CPED1: variants seen among roughly 807,000 people sequenced by gnomAD.
CPED1 encodes the protein cadherin like and PC-esterase domain containing 1.
A neutral mutation model predicts 128.2 loss-of-function variants in CPED1; 114 were observed. That is an observed-to-expected ratio of 0.89 (90% CI 0.76 to 1.04). CPED1 has a LOEUF of 1.04. Ranked by LOEUF, CPED1 falls within the 50% of genes least tolerant of loss-of-function variation. The pLI, the probability that CPED1 is intolerant of heterozygous loss-of-function variation, is 0.00. For synonymous variants in CPED1, 462 were observed against 426.7 expected (o/e 1.08, Z -1.02); for missense variants, 1,211 against 1,207.1 (o/e 1.00, Z -0.05).
intron 2 of CPED1, among the ~76,000 whole-genome samples, chr7:120,991,251 G>A (rs921014989): frequency 3.3e-5 from 5 of 152,188 alleles, no homozygotes; most frequent in African/African-American, 1.2e-4. Context: ...TTATGACAAA[G>A]AATAGTAGAT....
chr7:121,273,117 T>G lies in CPED1; in HGVS notation c.2868+1687T>G, dbSNP rs1792265150. Among the ~76,000 whole-genome samples the G allele has an allele frequency of 5.9e-5, 9 of 152,268 alleles. 1 individual carries two copies. In the South Asian group the frequency reaches 1.7e-3, roughly 28 times the overall value. On this transcript the variant is annotated intron_variant, in intron 22 of 22. Coordinates refer to ENST00000310396, the MANE Select transcript of CPED1 (RefSeq NM_024913.5). The stretch of plus-strand genomic sequence containing the variant: ...CTATTAGATATTGATTCACTCTTTC[T>G]GGCTTGCCTTCTTTTGTAAACCAGG...
chr7:121,267,373 T>A, intron 21 of CPED1, 71 bp downstream of exon 21: 1 of 845,520 alleles, frequency 1.2e-6, no homozygotes, highest in East Asian at 2.7e-5. Flanking sequence ...AAAAGACCCG[T>A]AAGGCACTAT....
At chr7:121,117,077 T>TTATATATATATATATATATATATATA (rs34007948) in intron 7 of CPED1, among the ~76,000 whole-genome samples, 1 of 128,804 alleles carries the variant, frequency 7.8e-6, no homozygotes, top group African/African-American at 3.0e-5. Flanking sequence ...TATATACACA[T>TTATATATATATATATATATATATATA]TATATATATA....
intron 3 of CPED1, among the ~76,000 whole-genome samples, chr7:121,045,836 A>G (rs1290058228): frequency 6.6e-6 from 1 of 152,092 alleles, no homozygotes; most frequent in Non-Finnish European, 1.5e-5. Context: ...TTTCCTGGTT[A>G]TTTTTGAGAT....
intron 16 of CPED1, among the ~76,000 whole-genome samples, chr7:121,204,081 T>G (rs1797464951): frequency 6.6e-6 from 1 of 152,074 alleles, no homozygotes; most frequent in African/African-American, 2.4e-5. Flanking sequence ...ACCCCACATT[T>G]CAGAACCCTT....
intron 5 of CPED1, among the ~76,000 whole-genome samples, chr7:121,086,806 A>G (rs944310711): frequency 2.0e-5 from 3 of 152,232 alleles, no homozygotes; most frequent in African/African-American, 7.2e-5. Flanking sequence ...AACTTTTGCC[A>G]CTTTTCACTC....
In CPED1 at chr7:121,295,317, C is replaced by A. The variant is rs117632911; in HGVS notation, c.2869-123C>A. 3.7e-4 allele frequency: 432 copies of A among 1,182,942 alleles called. 3 individuals are homozygous for A. The East Asian group carries it at 9.9e-3, about 27-fold the overall frequency. 73.3% of individuals were successfully genotyped at this position (1,182,942 alleles called of 1,614,324 possible). Reference sequence around the variant, plus strand: ...TATAGCCATTCCTGGTTATGTAAGTCATAGTCATGCCCTTTTAGCAACATC... The same window carrying A: ...TATAGCCATTCCTGGTTATGTAAGTAATAGTCATGCCCTTTTAGCAACATC... On this transcript the variant is annotated intron_variant, in intron 22 of 22. Coordinates refer to ENST00000310396, the MANE Select transcript of CPED1 (RefSeq NM_024913.5).
chr7:121,240,228 G>A (rs768265839), intron 17 of CPED1, among the ~76,000 whole-genome samples: 7 of 152,068 alleles, frequency 4.6e-5, no homozygotes, highest in Non-Finnish European at 1.0e-4. Flanking sequence ...CTCTGTGCAC[G>A]CAATTAGCCA....
At chr7:121,156,618 T>TTC (rs1796290201) in intron 16 of CPED1, among the ~76,000 whole-genome samples, 1 of 152,150 alleles carries the variant, frequency 6.6e-6, no homozygotes, top group Non-Finnish European at 1.5e-5. Flanking sequence ...CACGTTCATA[T>TTC]ATGTGAGCTA....
chr7:121,186,292 A>G (rs1797000368), intron 16 of CPED1, among the ~76,000 whole-genome samples: 1 of 152,164 alleles, frequency 6.6e-6, no homozygotes, highest in South Asian at 2.1e-4. Context: ...TAAACATTGT[A>G]TGCATGGGAA....
At chr7:121,248,345 A>G (rs987067529) in intron 18 of CPED1, among the ~76,000 whole-genome samples, 1 of 152,112 alleles carries the variant, frequency 6.6e-6, no homozygotes, top group Admixed American at 6.5e-5. Context: ...ATCACCTAAC[A>G]AAAGAAATGC....
intron 3 of CPED1, among the ~76,000 whole-genome samples, chr7:121,029,246 G>A (rs1327096190): frequency 6.6e-6 from 1 of 152,104 alleles, no homozygotes; most frequent in Non-Finnish European, 1.5e-5. Flanking sequence ...AATAAAGGGT[G>A]AGAATCATTT....
chr7:121,111,871 T>A (rs2116266387), intron 7 of CPED1, among the ~76,000 whole-genome samples: 1 of 152,322 alleles, frequency 6.6e-6, no homozygotes, highest in Non-Finnish European at 1.5e-5. Flanking sequence ...GCAAATCATC[T>A]CCAAACTTAG....
intron 22 of CPED1, among the ~76,000 whole-genome samples, chr7:121,283,919 GTTT>G (rs1792511394): frequency 6.6e-6 from 1 of 152,146 alleles, no homozygotes; most frequent in African/African-American, 2.4e-5. Context: ...GAGTTATACT[GTTT>G]AGTGAAACAC....
chr7:121,010,517 G>T (rs1450778531), intron 2 of CPED1, among the ~76,000 whole-genome samples: 1 of 152,188 alleles, frequency 6.6e-6, no homozygotes, highest in Non-Finnish European at 1.5e-5. Context: ...CCAAAGTGCT[G>T]GGATTACAGG....
At chr7:121,225,433 G>C (rs1298622991) in intron 16 of CPED1, among the ~76,000 whole-genome samples, 1 of 151,998 alleles carries the variant, frequency 6.6e-6, no homozygotes, top group Non-Finnish European at 1.5e-5. Flanking sequence ...TTTCAACCTT[G>C]GTGAATCTAA....
rs1051761123 is a variant in CPED1 at position 121,133,841 on chromosome 7, T to C, written c.1596T>C (p.Asp532=). The change falls in exon 13 of 23, where the codon GAT becomes GAC. Residue 532 remains aspartate (D), a synonymous_variant. Coordinates refer to ENST00000310396, the MANE Select transcript of CPED1 (RefSeq NM_024913.5). ...HPLEWNSFTE[D]KNIEKPQVPF... is the part of the protein sequence containing the mutation. ...TTTGCAGGAATTCTTTCACAGAAGA[T>C]AAGAACATTGAAAAACCACAAGTGC... 1.2e-6 allele frequency: 2 copies of C among 1,602,594 alleles called. No individual in the cohort carries two copies. Among genetic ancestry groups the C allele is most frequent in the African/African-American group, 2.7e-5 (2 of 74,446 alleles).
chr7:121,250,948 T>A (rs972144815), intron 18 of CPED1, among the ~76,000 whole-genome samples: 1 of 152,022 alleles, frequency 6.6e-6, no homozygotes, highest in Non-Finnish European at 1.5e-5. Context: ...AAAAAGGGAA[T>A]CCTCCCTAAC....
At chr7:121,245,327 T>G (rs535565944) in intron 18 of CPED1, among the ~76,000 whole-genome samples, 1 of 152,070 alleles carries the variant, frequency 6.6e-6, no homozygotes, top group Non-Finnish European at 1.5e-5. Context: ...TTCCTTTTTT[T>G]AAAAAAAGAA....
Sources: allele counts gnomAD v4.1 joint callset (sites outside exome capture counted in the v4.1 genomes callset), GRCh38; gene constraint gnomAD v4.1.1; transcripts MANE v1.5; gene names NCBI Gene and HGNC (gene_info 2026-07-23, HGNC 2026-07-21).